The following UBASH3B variants were observed in gnomAD, a reference collection of about 807,000 sequenced individuals.
The protein encoded by UBASH3B is ubiquitin associated and SH3 domain containing B.
A neutral mutation model predicts 83.4 loss-of-function variants in UBASH3B; 37 were observed. That is an observed-to-expected ratio of 0.44 (90% confidence interval 0.34 to 0.58). UBASH3B has a LOEUF of 0.58. Ranked by LOEUF, UBASH3B falls within the 20% of genes least tolerant of loss-of-function variation. UBASH3B has a pLI of 0.01. For missense variants in UBASH3B, 657 were observed against 827.2 expected (o/e 0.79, Z 2.52); for synonymous variants, 304 against 318.3 (o/e 0.96, Z 0.48).
chr11:122,699,610 G>T (rs1444004141), intron 1 of UBASH3B, among the ~76,000 whole-genome samples: 2 of 127,988 alleles, frequency 1.6e-5, no homozygotes, highest in South Asian at 2.4e-4. Flanking sequence ...TTGAAACAAG[G>T]TCTCCCTCTG....
rs1285941373 is a variant in UBASH3B at position 122,813,618 on chromosome 11, A to C, written c.*3732A>C. 1 of 152,216 alleles carries C rather than the reference A, an allele frequency of 6.6e-6. No individual in the cohort carries two copies. The highest frequency in any genetic ancestry group is 1.9e-4 in the East Asian group (1 of 5,198). The allele number at this position is 152,216 out of a possible 1,614,324, so 9.4% of individuals were successfully genotyped here. On this transcript the variant is annotated 3_prime_UTR_variant, in exon 14 of 14. Transcript: ENST00000284273. ...CAATCCAGCACACGTGTGAGAAAGA[A>C]GAGGCACTAGTCTAAAAGGCTGCAT...
At chr11:122,777,833 G>T (rs763222577) in intron 3 of UBASH3B, among the ~76,000 whole-genome samples, 1 of 152,072 alleles carries the variant, frequency 6.6e-6, no homozygotes, top group Non-Finnish European at 1.5e-5. Flanking sequence ...GAATTCAAGC[G>T]ATTCTCCTGC....
rs1374958304 is a variant in UBASH3B, at chr11:122,777,082, C to G, written c.274C>G (p.Leu92Val). ...TGACCCCCTGCCCCGGGAGTACGTCCTCTACCTCCGTCCCACCGGCCCCTT... is the reference window on the plus strand; with the variant it reads ...TGACCCCCTGCCCCGGGAGTACGTCGTCTACCTCCGTCCCACCGGCCCCTT... ...LDDPLPREYV[L>V]YLRPTGPLAQ... is the part of the protein sequence containing the mutation. Residue 92 changes from leucine to valine, a missense_variant, in exon 3 of 14, where the codon CTC becomes GTC. This residue lies in a region of UBASH3B where 573 missense variants were observed against 739.0 expected (regional missense o/e 0.78). Transcript: ENST00000284273. 3.1e-6 allele frequency: 5 copies of G among 1,613,858 alleles called. No individual in the cohort carries two copies. The highest frequency in any genetic ancestry group is 3.4e-6 in the Non-Finnish European group (4 of 1,179,978).
Position 122,810,789 on chromosome 11 carries a change from A to G in UBASH3B, c.*903A>G, listed in dbSNP as rs1175379207. On this transcript the variant is annotated 3_prime_UTR_variant, in exon 14 of 14. Transcript: ENST00000284273. Reference sequence around the variant, plus strand: ...ACTATGTTAACTAGTTAAGGATGTTACATTTTGAAAGGATGTATGTTAGAT... The same window carrying G: ...ACTATGTTAACTAGTTAAGGATGTTGCATTTTGAAAGGATGTATGTTAGAT... 1 of 152,210 alleles carries G rather than the reference A, an allele frequency of 6.6e-6. No homozygotes were observed. The highest frequency in any genetic ancestry group is 2.4e-5 in the African/African-American group (1 of 41,432). 9.4% of individuals were successfully genotyped at this position (152,210 alleles called of 1,614,324 possible).
At chr11:122,797,360 A>G in intron 9 of UBASH3B, 1 of 204,874 alleles carries the variant, frequency 4.9e-6, no homozygotes, top group South Asian at 1.1e-4. Flanking sequence ...GCTGTGGAAG[A>G]GGACAAGAGT....
chr11:122,806,563 C>A lies in UBASH3B; in HGVS notation c.1702+47C>A. On this transcript the variant is annotated intron_variant, in intron 12 of 13. Transcript: ENST00000284273. The surrounding 1 kb of genome is among the most constrained non-coding windows in gnomAD (Gnocchi z 4.0). ...TCCATCTGTACATACGTGATTATTT[C>A]TCTATAATGGTTAATAGGTTATTCA... 1 of 1,507,990 alleles carries A rather than the reference C, an allele frequency of 6.6e-7. No homozygotes were observed. The highest frequency in any genetic ancestry group is 1.4e-5 in the South Asian group (1 of 71,256). The allele number at this position is 1,507,990 out of a possible 1,614,324, so 93.4% of individuals were successfully genotyped here.
rs868524449 is a variant in UBASH3B at position 122,801,205 on chromosome 11, C to T, written c.1468C>T (p.His490Tyr). 2 of 1,614,144 alleles carry T rather than the reference C, an allele frequency of 1.2e-6. No individual in the cohort carries two copies. Among genetic ancestry groups the T allele is most frequent in the Non-Finnish European group, 1.7e-6 (2 of 1,179,992 alleles). The change falls in exon 11 of 14, where the codon CAC becomes TAC. Residue 490 changes from histidine (H) to tyrosine (Y), a missense_variant. His to Tyr is a moderately conservative substitution (Grantham distance 83). Transcript: ENST00000284273. Reference sequence around the variant, plus strand: ...CCCCTAAGGTTTACAACAAGAAAATCACTTGAAGATCCGTGTAGAGCCCGG... The same window carrying T: ...CCCCTAAGGTTTACAACAAGAAAATTACTTGAAGATCCGTGTAGAGCCCGG... The part of the protein sequence containing the change: ...NILKGLQQEN[H>Y]LKIRVEPGLF...
rs1335240805 is a variant in UBASH3B, at chr11:122,779,661, T to A, written c.567T>A (p.Ala189=). The A allele has an allele frequency of 6.2e-7, 1 of 1,614,214 alleles. No individual in the cohort carries two copies. The highest frequency in any genetic ancestry group is 1.1e-5 in the South Asian group (1 of 91,080). Reference sequence around the variant, plus strand: ...GTGCGGAGGTCCTCAAGAAGTTTGCTGCTGACTTTGCTGCAGAGGCTGCAT... The same window carrying A: ...GTGCGGAGGTCCTCAAGAAGTTTGCAGCTGACTTTGCTGCAGAGGCTGCAT... ...EDSAEVLKKF[A]ADFAAEAASK... The change falls in exon 4 of 14, where the codon GCT becomes GCA. Residue 189 remains alanine (A), a synonymous_variant. Transcript: ENST00000284273.
At chr11:122,775,497 G>A (rs991360548) in intron 1 of UBASH3B, 1 of 152,230 alleles carries the variant, frequency 6.6e-6, no homozygotes, top group African/African-American at 2.4e-5. Flanking sequence ...GTTGGAAGTG[G>A]GTAGAGGGAG....
intron 7 of UBASH3B, among the ~76,000 whole-genome samples, 163 bp from the exon 8 acceptor site, chr11:122,795,993 C>A (rs763354160): frequency 2.0e-5 from 3 of 152,214 alleles, no homozygotes; most frequent in Non-Finnish European, 4.4e-5. Context: ...CTTATTCCAG[C>A]CTCCAAATAA....
At position 122,713,367 on chromosome 11, in the gene UBASH3B, C is replaced by T. The variant is rs570242310; in HGVS notation, c.161+57157C>T. On this transcript the variant is annotated intron_variant, in intron 1 of 13. Coordinates refer to ENST00000284273, the MANE Select transcript of UBASH3B (RefSeq NM_032873.5). ...GCCATGTGGTCAGCTGACTCTGCGG[C>T]ATCAGACGAATGCATGTGAAATCAT... is the stretch of plus-strand genomic sequence containing the variant. Among the ~76,000 whole-genome samples the T allele has an allele frequency of 3.9e-4, 59 of 152,254 alleles. 1 individual carries two copies. The highest frequency in any genetic ancestry group is 3.7e-3 in the Admixed American group (56 of 15,306).
intron 11 of UBASH3B, among the ~76,000 whole-genome samples, chr11:122,804,826 T>G (rs767100785): frequency 1.3e-5 from 2 of 152,114 alleles, no homozygotes; most frequent in Middle Eastern, 3.4e-3. Context: ...ATATGAAAAT[T>G]GACAAAATAA....
rs1274741380 is a variant in UBASH3B at position 122,789,282 on chromosome 11, T to A, written c.954T>A (p.Asp318Glu). Reference sequence around the variant, plus strand: ...CTGAGAATTACATTACCAAGGCTGATGAATGCAGCACCTGGATATTTCATG... The same window carrying A: ...CTGAGAATTACATTACCAAGGCTGAAGAATGCAGCACCTGGATATTTCATG... ...LLPENYITKA[D>E]ECSTWIFHGS... Residue 318 changes from aspartate to glutamate, a missense_variant, in exon 6 of 14, where the codon GAT becomes GAA. This residue lies in a region of UBASH3B where 573 missense variants were observed against 739.0 expected (regional missense o/e 0.78). Transcript: ENST00000284273. 1.2e-6 allele frequency: 2 copies of A among 1,614,212 alleles called. No homozygotes were observed. The highest frequency in any genetic ancestry group is 8.5e-7 in the Non-Finnish European group (1 of 1,180,034).
intron 1 of UBASH3B, among the ~76,000 whole-genome samples, chr11:122,773,222 G>T (rs1461280469): frequency 1.3e-5 from 2 of 152,206 alleles, no homozygotes; most frequent in African/African-American, 4.8e-5. Context: ...ATGGAGGTGG[G>T]TGCTGTATGG....
At chr11:122,663,890 C>A (rs1863480769) in intron 1 of UBASH3B, among the ~76,000 whole-genome samples, 1 of 152,206 alleles carries the variant, frequency 6.6e-6, no homozygotes, top group Non-Finnish European at 1.5e-5. Flanking sequence ...CAGCACTTGT[C>A]TTGAAGGACC....
chr11:122,685,234 T>G (rs1427785641), intron 1 of UBASH3B, among the ~76,000 whole-genome samples: 5 of 152,230 alleles, frequency 3.3e-5, no homozygotes, highest in African/African-American at 1.2e-4. Flanking sequence ...TATTTGCTTA[T>G]TCTCTGTCCC....
chr11:122,757,203 C>T (rs147015444), intron 1 of UBASH3B, among the ~76,000 whole-genome samples: 376 of 152,308 alleles, frequency 2.5e-3, no homozygotes, highest in Middle Eastern at 0.02. Flanking sequence ...TGTGTTCCCC[C>T]CAAATTCATA....
At chr11:122,768,749 C>T (rs1464639684) in intron 1 of UBASH3B, among the ~76,000 whole-genome samples, 2 of 152,120 alleles carry the variant, frequency 1.3e-5, no homozygotes, top group African/African-American at 4.8e-5. Flanking sequence ...CAGTGATCCA[C>T]CTACCTTGGC....
intron 1 of UBASH3B, among the ~76,000 whole-genome samples, chr11:122,724,641 T>C (rs1309590047): frequency 8.2e-6 from 1 of 121,472 alleles, no homozygotes; most frequent in Non-Finnish European, 2.0e-5. Flanking sequence ...GTAGTAGCAT[T>C]TGATCTTAAA....
Sources: gnomAD v4.1 joint callset for allele counts (sites outside exome capture counted in the v4.1 genomes callset) on GRCh38, gnomAD v4.1.1 for gene constraint, gnomAD v4.1.1 regional missense constraint, Gnocchi (gnomAD v3.1) non-coding constraint, MANE v1.5 for transcripts, NCBI Gene and HGNC (gene_info 2026-07-23, HGNC 2026-07-21) for gene names.